ACLY: variants seen among roughly 807,000 people sequenced by gnomAD.
The protein encoded by ACLY is ATP citrate lyase.
ACLY carries 41 observed loss-of-function variants against 133.0 expected under a neutral mutation model. That is an observed-to-expected ratio of 0.31 (90% CI 0.24 to 0.40). The LOEUF (loss-of-function observed/expected upper bound fraction) is 0.40, where lower values mean the gene tolerates loss of function less well. Ranked by LOEUF, ACLY falls within the 10% of genes least tolerant of loss-of-function variation. ACLY has a pLI of 1.00. For synonymous variants in ACLY, 495 were observed against 549.3 expected (o/e 0.90, Z 1.38); for missense variants, 1,046 against 1,453.8 (o/e 0.72, Z 4.56).
At chr17:41,873,676 C>T (rs923385532) in intron 23 of ACLY, 135 bp downstream of exon 23, 24 of 1,075,686 alleles carry the variant, frequency 2.2e-5, no homozygotes, top group East Asian at 2.8e-5. Context: ...TTCCTCTGGC[C>T]GCTCAATTGA....
intron 20 of ACLY, among the ~76,000 whole-genome samples, chr17:41,880,671 T>G (rs2048888607): frequency 6.6e-6 from 1 of 152,022 alleles, no homozygotes; most frequent in Non-Finnish European, 1.5e-5. Context: ...GAGACCATCC[T>G]AGCTAACGGT....
At chr17:41,902,779 G>A (rs2049577080) in intron 10 of ACLY, among the ~76,000 whole-genome samples, 1 of 152,164 alleles carries the variant, frequency 6.6e-6, no homozygotes, top group South Asian at 2.1e-4. Flanking sequence ...GTTAAATCAG[G>A]TCCAGTTATG....
In ACLY at chr17:41,897,567, G is replaced by A. The variant is rs1284621833; in HGVS notation, c.1429+182C>T. On this transcript the variant is annotated intron_variant, in intron 13 of 28. Transcript: ENST00000352035. ...GCACGGCGTGGGTCCTCTGCCTCAG[G>A]AGCGCCCACAGGGAAGGCTCAAGTC... Among the ~76,000 whole-genome samples the A allele has an allele frequency of 5.3e-5, 8 of 152,186 alleles. No homozygotes were observed. The East Asian group carries it at 5.8e-4, about 11-fold the overall frequency.
intron 5 of ACLY, among the ~76,000 whole-genome samples, 180 bp downstream of exon 5, chr17:41,909,330 A>G (rs1433795993): frequency 6.6e-6 from 1 of 152,068 alleles, no homozygotes; most frequent in Non-Finnish European, 1.5e-5. Flanking sequence ...TGCTGGCGGC[A>G]TATTTCAGTC....
intron 14 of ACLY, 24 bp downstream of exon 14, chr17:41,896,596 G>T (rs782640170): frequency 1.3e-6 from 2 of 1,538,024 alleles, no homozygotes; most frequent in African/African-American, 1.4e-5. Flanking sequence ...CACGCGGAGT[G>T]GGGGCAGGGT....
chr17:41,900,139 T>C (rs2049494465), intron 11 of ACLY, among the ~76,000 whole-genome samples: 1 of 143,982 alleles, frequency 6.9e-6, no homozygotes, highest in Non-Finnish European at 1.5e-5. Context: ...GGCAGTCTGA[T>C]CACGAGGTCA....
intron 1 of ACLY, among the ~76,000 whole-genome samples, chr17:41,924,701 G>A (rs896893809): frequency 3.3e-5 from 5 of 152,110 alleles, no homozygotes; most frequent in African/African-American, 1.2e-4. Context: ...TCTCTAACCC[G>A]ACAGAGGCTG....
rs1191267199 is a variant in ACLY, at chr17:41,913,986, C to T, written c.-23-90G>A. On this transcript the variant is annotated intron_variant, in intron 1 of 28. Coordinates refer to ENST00000352035, the MANE Select transcript of ACLY (RefSeq NM_001096.3). ...GGGCAGACCCACTCCCAGTTGCCCC[C>T]AGACAATAAAACCAGATCTCAGCTT... 11 of 1,288,926 alleles carry T rather than the reference C, an allele frequency of 8.5e-6. No individual in the cohort carries two copies. The South Asian group carries it at 1.4e-4, about 16-fold the overall frequency. The allele number at this position is 1,288,926 out of a possible 1,614,324, so 79.8% of individuals were successfully genotyped here.
intron 9 of ACLY, 117 bp from the exon 10 acceptor site, chr17:41,904,907 G>T: frequency 1.0e-6 from 1 of 956,130 alleles, no homozygotes; most frequent in Non-Finnish European, 1.6e-6. Context: ...CATCTGCCAG[G>T]AGGTACTGGG....
At chr17:41,897,643 G>A in intron 13 of ACLY, 106 bp downstream of exon 13, 1 of 1,108,256 alleles carries the variant, frequency 9.0e-7, no homozygotes, top group East Asian at 2.7e-5. Context: ...CCAAACCGCT[G>A]TTCATCTGCC....
intron 22 of ACLY, among the ~76,000 whole-genome samples, chr17:41,876,419 A>G (rs1215001839): frequency 7.9e-5 from 12 of 152,340 alleles, no homozygotes; most frequent in Admixed American, 7.8e-4. Context: ...GGTGTACCCA[A>G]CAGCTCATTG....
At chr17:41,873,070 C>T (rs182831062) in intron 23 of ACLY, among the ~76,000 whole-genome samples, 4 of 152,258 alleles carry the variant, frequency 2.6e-5, no homozygotes, top group African/African-American at 4.8e-5. Flanking sequence ...CCTGCCCAGC[C>T]GTCAGTCCCA....
At chr17:41,883,362 G>T in intron 19 of ACLY, 130 bp from the exon 20 acceptor site, 1 of 691,338 alleles carries the variant, frequency 1.4e-6, no homozygotes, top group Non-Finnish European at 2.4e-6. Context: ...TGGACACAAG[G>T]AAGATTTCTA....
At chr17:41,913,678 G>A (rs934819968) in intron 2 of ACLY, 37 bp downstream of exon 2, 28 of 1,605,912 alleles carry the variant, frequency 1.7e-5, no homozygotes, top group Non-Finnish European at 2.2e-5. Flanking sequence ...CAGACCCCGG[G>A]CCTGGAAGAA....
chr17:41,907,383 T>C, intron 7 of ACLY, 59 bp downstream of exon 7: 1 of 1,508,166 alleles, frequency 6.6e-7, no homozygotes, highest in Non-Finnish European at 9.0e-7. Flanking sequence ...ACATCAAAGA[T>C]GAGTCACCTC....
upstream of ACLY, among the ~76,000 whole-genome samples, chr17:41,923,401 C>T (rs1424778338): frequency 2.6e-5 from 4 of 152,164 alleles, no homozygotes; most frequent in African/African-American, 9.7e-5. Flanking sequence ...TATTGAGCAC[C>T]TACTATGTGA....
At chr17:41,897,182 C>G (rs574323855) in intron 13 of ACLY, among the ~76,000 whole-genome samples, 2 of 151,822 alleles carry the variant, frequency 1.3e-5, no homozygotes, top group East Asian at 3.9e-4. Flanking sequence ...TAACTAACAC[C>G]ACTTATGTAG....
At chr17:41,895,493 A>G (rs1555630159) in intron 14 of ACLY, among the ~76,000 whole-genome samples, 1 of 152,166 alleles carries the variant, frequency 6.6e-6, no homozygotes, top group Admixed American at 6.5e-5. Flanking sequence ...GCCAGGGGCT[A>G]TGCCCCCTAC....
At chr17:41,877,298 G>A (rs11653607) in intron 22 of ACLY, among the ~76,000 whole-genome samples, 3 of 151,844 alleles carry the variant, frequency 2.0e-5, no homozygotes, top group South Asian at 2.1e-4. Context: ...CCACCACCGC[G>A]CCTGGCTAAT....
Sources: allele counts gnomAD v4.1 joint callset (sites outside exome capture counted in the v4.1 genomes callset), GRCh38; gene constraint gnomAD v4.1.1; transcripts MANE v1.5; gene names NCBI Gene and HGNC (gene_info 2026-07-23, HGNC 2026-07-21).